Variants in SERINC5 observed in about 807,000 individuals in gnomAD.
SERINC5 encodes the protein serine incorporator 5, also known as chromosome 5 open reading frame 12.
A neutral mutation model predicts 63.1 loss-of-function variants in SERINC5; 41 were observed. That is an observed-to-expected ratio of 0.65 (90% confidence interval 0.51 to 0.84). The LOEUF (loss-of-function observed/expected upper bound fraction) is 0.84. SERINC5 is among the 40% of genes least tolerant of loss of function. SERINC5 has a pLI of 0.00. For synonymous variants in SERINC5, 222 were observed against 215.2 expected (o/e 1.03, Z -0.28); for missense variants, 523 against 573.0 (o/e 0.91, Z 0.89).
At chr5:80,234,823 T>C (rs1398147014) in intron 1 of SERINC5, among the ~76,000 whole-genome samples, 2 of 152,222 alleles carry the variant, frequency 1.3e-5, no homozygotes, top group African/African-American at 2.4e-5. Context: ...GGGTTCATCA[T>C]AGACACAGTG....
chr5:80,151,839 G>A (rs1746202033), intron 8 of SERINC5, among the ~76,000 whole-genome samples: 1 of 152,152 alleles, frequency 6.6e-6, no homozygotes, highest in South Asian at 2.1e-4. Context: ...CCTGACATGG[G>A]CGGGCGTGTT....
chr5:80,113,740 G>A (rs147197784), intron 11 of SERINC5: 1,657 of 155,216 alleles, frequency 0.011, 56 homozygotes, highest in African/African-American at 0.039. Context: ...GAGAAAGACC[G>A]GCCCCCATGA....
chr5:80,201,596 C>T (rs10075871), intron 2 of SERINC5, among the ~76,000 whole-genome samples: 94,174 of 152,074 alleles, frequency 0.62, 29,731 homozygotes, highest in African/African-American at 0.73. Flanking sequence ...TTTGTCAATT[C>T]GCTTAGAACC....
chr5:80,162,938 C>A (rs1194534342), intron 7 of SERINC5, among the ~76,000 whole-genome samples: 1 of 151,684 alleles, frequency 6.6e-6, no homozygotes, highest in South Asian at 2.1e-4. Context: ...AAGATCCCTC[C>A]CCCTCCCAGG....
Position 80,169,309 on chromosome 5 carries a change from C to T in SERINC5, c.763+26G>A, listed in dbSNP as rs77938024. ...AAGACACTTAGGAAAATATAAGTAACGAAGAATGGAAAAAAACATGCTTAC... is the reference window on the plus strand; with the variant it reads ...AAGACACTTAGGAAAATATAAGTAATGAAGAATGGAAAAAAACATGCTTAC... On this transcript the variant is annotated intron_variant, in intron 6 of 11. Coordinates refer to ENST00000507668, the MANE Select transcript of SERINC5 (RefSeq NM_001174072.3). The T allele has an allele frequency of 1.2e-3, 1,884 of 1,593,848 alleles. 9 individuals carry two copies. In the East Asian group the frequency reaches 0.019, roughly 16 times the overall value.
At position 80,140,249 on chromosome 5, in the gene SERINC5, A is replaced by G. The variant is rs1369846880; in HGVS notation, c.*3414T>C. Reference sequence around the variant, plus strand: ...TTGAGCCCAGGAGGTCAAGCCTGCCATGAGTCAAGATCATGTCACTGCACT... The same window carrying G: ...TTGAGCCCAGGAGGTCAAGCCTGCCGTGAGTCAAGATCATGTCACTGCACT... On this transcript the variant is annotated 3_prime_UTR_variant, in exon 12 of 12. Coordinates refer to ENST00000507668, the MANE Select transcript of SERINC5 (RefSeq NM_001174072.3). The G allele has an allele frequency of 7.8e-6, 7 of 898,708 alleles. No individual in the cohort carries two copies. The African/African-American group carries it at 1.4e-4, about 18-fold the overall frequency. 55.7% of individuals were successfully genotyped at this position (898,708 alleles called of 1,614,324 possible). A position where few individuals can be genotyped will look rare whatever the true frequency, so the allele number is the denominator to read the frequency against.
At chr5:80,122,820 A>C (rs760898830) in intron 11 of SERINC5, among the ~76,000 whole-genome samples, 5 of 152,232 alleles carry the variant, frequency 3.3e-5, no homozygotes, top group Non-Finnish European at 5.9e-5. Flanking sequence ...AACAGTCAGC[A>C]AGGAAAGAGG....
At chr5:80,192,864 C>T (rs73128075) in intron 2 of SERINC5, among the ~76,000 whole-genome samples, 1 of 152,122 alleles carries the variant, frequency 6.6e-6, no homozygotes, top group Middle Eastern at 3.2e-3. Context: ...TGAGTTACCA[C>T]GTGACTCCGA....
intron 2 of SERINC5, among the ~76,000 whole-genome samples, chr5:80,194,864 G>C (rs1378070392): frequency 6.6e-6 from 1 of 152,156 alleles, no homozygotes; most frequent in Admixed American, 6.5e-5. Context: ...AGCAGCCCTG[G>C]GTTCTAATCC....
rs143279242 is a variant in SERINC5 at position 80,183,545 on chromosome 5, C to G, written c.196-5481G>C. On this transcript the variant is annotated intron_variant, in intron 2 of 11. Transcript: ENST00000507668. Reference sequence around the variant, plus strand: ...TATACGCCCAGATGGCCTGAAGTAACTGAAGAATCACAAAAGAAGTGAAAA... The same window carrying G: ...TATACGCCCAGATGGCCTGAAGTAAGTGAAGAATCACAAAAGAAGTGAAAA... 5.4e-3 allele frequency among the ~76,000 whole-genome samples: 816 copies of G among 152,248 alleles called. 8 individuals carry two copies. The highest frequency in any genetic ancestry group is 0.019 in the African/African-American group (789 of 41,530).
At chr5:80,208,371 T>TAAA (rs5869025) in intron 1 of SERINC5, among the ~76,000 whole-genome samples, 1 of 138,932 alleles carries the variant, frequency 7.2e-6, no homozygotes. Flanking sequence ...AAAACTGCTC[T>TAAA]AAAAAAAAAA....
chr5:80,251,138 G>A (rs1308705030), intron 1 of SERINC5, among the ~76,000 whole-genome samples: 1 of 152,072 alleles, frequency 6.6e-6, no homozygotes, highest in Non-Finnish European at 1.5e-5. Context: ...AACTGGCCAG[G>A]CATGGTAGAA....
intron 1 of SERINC5, among the ~76,000 whole-genome samples, chr5:80,248,139 A>G (rs1346090765): frequency 6.6e-6 from 1 of 152,196 alleles, no homozygotes; most frequent in Non-Finnish European, 1.5e-5. Flanking sequence ...GGCATGAGCC[A>G]CCTTGCCTGG....
chr5:80,154,833 C>T (rs1320545364), intron 8 of SERINC5, among the ~76,000 whole-genome samples: 1 of 152,068 alleles, frequency 6.6e-6, no homozygotes, highest in Non-Finnish European at 1.5e-5. Flanking sequence ...TTCTCTTAAA[C>T]ACAGATAAAA....
At chr5:80,208,054 G>T (rs1750255910) in intron 1 of SERINC5, among the ~76,000 whole-genome samples, 1 of 152,128 alleles carries the variant, frequency 6.6e-6, no homozygotes, top group Non-Finnish European at 1.5e-5. Context: ...TGGAACTACT[G>T]GTGCTTTCAC....
chr5:80,188,328 C>G (rs1014410599), intron 2 of SERINC5, among the ~76,000 whole-genome samples: 2 of 150,064 alleles, frequency 1.3e-5, no homozygotes, highest in Non-Finnish European at 3.0e-5. Flanking sequence ...GGATTATTCT[C>G]AATTTTATTT....
chr5:80,141,428 G>A lies in SERINC5; in HGVS notation c.*2235C>T. On this transcript the variant is annotated 3_prime_UTR_variant, in exon 12 of 12. Coordinates refer to ENST00000507668, the MANE Select transcript of SERINC5 (RefSeq NM_001174072.3). ...ATCACGGCCAGCCAAGGAATACAAGGCCTTGTCAGCTGGACCTTGACTGCG... is the reference window on the plus strand; with the variant it reads ...ATCACGGCCAGCCAAGGAATACAAGACCTTGTCAGCTGGACCTTGACTGCG... 6.1e-6 allele frequency: 6 copies of A among 985,436 alleles called. No individual in the cohort carries two copies. Among genetic ancestry groups the A allele is most frequent in the Non-Finnish European group, 7.2e-6 (6 of 829,946 alleles). 61.0% of individuals were successfully genotyped at this position (985,436 alleles called of 1,614,324 possible).
At chr5:80,229,083 G>T in intron 1 of SERINC5, among the ~76,000 whole-genome samples, 1 of 137,764 alleles carries the variant, frequency 7.3e-6, no homozygotes, top group Non-Finnish European at 1.5e-5. Context: ...GAGTGCAGTG[G>T]TGCGATCTCG....
Position 80,255,978 on chromosome 5 carries a change from C to G in SERINC5, c.-56G>C, listed in dbSNP as rs1323647735. 10 of 1,463,092 alleles carry G rather than the reference C, an allele frequency of 6.8e-6. No homozygotes were observed. The highest frequency in any genetic ancestry group is 1.5e-5 in the African/African-American group (1 of 67,904). 90.6% of individuals were successfully genotyped at this position (1,463,092 alleles called of 1,614,324 possible). A position where few individuals can be genotyped will look rare whatever the true frequency, so the allele number is the denominator to read the frequency against. On this transcript the variant is annotated 5_prime_UTR_variant, in exon 1 of 12. Transcript: ENST00000507668. ...TGGCTCCCCGCGCCGCACGGGCCCT[C>G]CTGGCTGCCTCGCGCCTCGAGCGCT...
Sources: allele counts gnomAD v4.1 joint callset (sites outside exome capture counted in the v4.1 genomes callset), GRCh38; gene constraint gnomAD v4.1.1; transcripts MANE v1.5; gene names NCBI Gene and HGNC (gene_info 2026-07-23, HGNC 2026-07-21).